The following MAP2 variants were observed in gnomAD, a reference collection of about 807,000 sequenced individuals.
MAP2 encodes the protein microtubule-associated protein 2.
Under a neutral mutation model 137.6 loss-of-function variants are expected in MAP2, and 14 were observed. The ratio of observed to expected loss-of-function variants is 0.10; its 90% CI spans 0.07 to 0.16. MAP2 has a LOEUF of 0.16. Ranked by LOEUF, MAP2 falls within the 10% of genes least tolerant of loss-of-function variation. The probability of loss-of-function intolerance (pLI) is 1.00; values close to 1 mark genes in which losing one functional copy is unlikely to be tolerated. For missense variants in MAP2, 2,088 were observed against 2,191.5 expected, an observed-to-expected ratio of 0.95 and a Z score of 0.94; for synonymous variants, 786 against 782.3, an observed-to-expected ratio of 1.00 and a Z score of -0.08.
chr2:209,694,173 G>C lies in MAP2; in HGVS notation c.2003G>C (p.Gly668Ala). 1 of 1,614,112 alleles carries C rather than the reference G, an allele frequency of 6.2e-7. No homozygotes were observed. ...TTCACTATTGATCCAAAAGTGTATG[G>C]AGAGAAAAGGGACCTCCACAGTAAG... ...RMFTIDPKVY[G>A]EKRDLHSKNK... The change falls in exon 8 of 16, where the codon GGA (glycine) becomes GCA (alanine). Residue 668 changes from glycine to alanine, a missense_variant. Coordinates refer to ENST00000682079, the MANE Select transcript of MAP2 (RefSeq NM_001375505.1).
At chr2:209,520,260 A>G (rs1372224324) in intron 2 of MAP2, among the ~76,000 whole-genome samples, 4 of 152,106 alleles carry the variant, frequency 2.6e-5, no homozygotes, top group South Asian at 2.1e-4. Flanking sequence ...AGGCTTCCCT[A>G]TAAGATATCC....
intron 1 of MAP2, among the ~76,000 whole-genome samples, chr2:209,464,081 T>C (rs184869596): frequency 9.5e-4 from 145 of 152,284 alleles, no homozygotes; most frequent in Middle Eastern, 3.4e-3. Flanking sequence ...TGTATTACTG[T>C]ATTATTTTTC....
chr2:209,674,716 C>T (rs2050494065), intron 5 of MAP2, among the ~76,000 whole-genome samples: 1 of 151,798 alleles, frequency 6.6e-6, no homozygotes. Flanking sequence ...TATAATCACA[C>T]ACATCATAAT....
chr2:209,461,656 G>A (rs1702847329), intron 1 of MAP2, among the ~76,000 whole-genome samples: 1 of 152,044 alleles, frequency 6.6e-6, no homozygotes, highest in Non-Finnish European at 1.5e-5. Flanking sequence ...CTCCATGTTG[G>A]TCAGGCTGGT....
chr2:209,478,048 A>T (rs944937023), intron 1 of MAP2, among the ~76,000 whole-genome samples: 4 of 152,160 alleles, frequency 2.6e-5, no homozygotes, highest in African/African-American at 9.7e-5. Context: ...GATTACTCTT[A>T]TTCTATTGTA....
chr2:209,569,829 A>T (rs544214441), intron 2 of MAP2, among the ~76,000 whole-genome samples: 1 of 151,862 alleles, frequency 6.6e-6, no homozygotes, highest in Non-Finnish European at 1.5e-5. Context: ...TTGTGTTAAG[A>T]TACGTACTTT....
At chr2:209,582,742 C>G (rs971279576) in intron 3 of MAP2, among the ~76,000 whole-genome samples, 1 of 152,040 alleles carries the variant, frequency 6.6e-6, no homozygotes, top group African/African-American at 2.4e-5. Context: ...CAAGAAACTT[C>G]TAGAATCACA....
At chr2:209,427,830 TTGGGTGGGTGGGTAGG>T (rs915483056) in intron 1 of MAP2, among the ~76,000 whole-genome samples, 3 of 150,584 alleles carry the variant, frequency 2.0e-5, no homozygotes, top group Non-Finnish European at 4.4e-5. Flanking sequence ...GTATGAAGGT[TTGGGTGGGTGGGTAGG>T]TGGGTGGGCG....
chr2:209,704,369 T>C lies in MAP2; in HGVS notation c.4585-1211T>C, dbSNP rs2062721822. The C allele has an allele frequency of 4.0e-6, 5 of 1,249,078 alleles. No individual in the cohort carries two copies. The South Asian group carries it at 6.5e-5, about 16-fold the overall frequency. The allele number at this position is 1,249,078 out of a possible 1,614,324, so 77.4% of individuals were successfully genotyped here. Reference sequence around the variant, plus strand: ...TTAAAAAGACTTTGAGTTTCTTATATGTTTATACTTCTTTTTTATCTTCCT... The same window carrying C: ...TTAAAAAGACTTTGAGTTTCTTATACGTTTATACTTCTTTTTTATCTTCCT... On this transcript the variant is annotated intron_variant, in intron 11 of 15. Transcript: ENST00000682079.
At chr2:209,512,870 G>T (rs1359895004) in intron 2 of MAP2, among the ~76,000 whole-genome samples, 1 of 152,026 alleles carries the variant, frequency 6.6e-6, no homozygotes, top group Non-Finnish European at 1.5e-5. Flanking sequence ...GGCTGGTCTT[G>T]ATCTGACATG....
chr2:209,564,863 G>T (rs547086232), intron 2 of MAP2, among the ~76,000 whole-genome samples: 2 of 151,958 alleles, frequency 1.3e-5, no homozygotes, highest in South Asian at 4.2e-4. Flanking sequence ...TGCCCTCATT[G>T]CAATGTGTTG....
intron 1 of MAP2, among the ~76,000 whole-genome samples, chr2:209,431,199 G>A (rs1694180062): frequency 6.6e-6 from 1 of 151,840 alleles, no homozygotes; most frequent in Admixed American, 6.6e-5. Flanking sequence ...GTATTAATAG[G>A]AATGCAAAGT....
Position 209,710,249 on chromosome 2 carries a change from G to T in MAP2, c.5068G>T (p.Gly1690Trp). The change falls in exon 13 of 16, where the codon GGG (glycine) becomes TGG (tryptophan). Residue 1690 changes from glycine to tryptophan, a missense_variant. By Grantham distance (184) the Gly-to-Trp change is radical (BLOSUM62 -2). Around this residue, in one of 6 missense-constraint regions of MAP2, gnomAD observed 112 missense variants for 201.0 expected, o/e 0.56. Coordinates refer to ENST00000682079, the MANE Select transcript of MAP2 (RefSeq NM_001375505.1). ...TDNIKYQPKG[G>W]QVQIVTKKID... ...CAACATCAAATACCAGCCTAAAGGG[G>T]GGCAGGTAAGAATTGCATGAACACA... 6.4e-7 allele frequency: 1 copy of T among 1,567,012 alleles called. No individual in the cohort carries two copies. Among genetic ancestry groups the T allele is most frequent in the South Asian group, 1.2e-5 (1 of 86,482 alleles).
rs193121376 is a variant in MAP2, at chr2:209,693,512, A to G, written c.1342A>G (p.Thr448Ala). The change falls in exon 8 of 16, where the codon ACC (threonine) becomes GCC (alanine). Residue 448 changes from threonine to alanine, a missense_variant. Around this residue, in one of 6 missense-constraint regions of MAP2, gnomAD observed 859 missense variants for 794.5 expected, o/e 1.08. Transcript: ENST00000682079. ...KETELKLEEK[T>A]TISDKEAVPK... ...AACTGAGCTGAAGCTTGAAGAAAAA[A>G]CCACCATTTCTGACAAAGAAGCTGT... The G allele has an allele frequency of 1.7e-4, 272 of 1,610,370 alleles. 2 individuals are homozygous for G. The East Asian group carries it at 5.6e-3, about 33-fold the overall frequency.
chr2:209,710,227 C>T lies in MAP2; in HGVS notation c.5046C>T (p.Asn1682=). The part of the protein sequence containing the change: ...NVKSKIGSTD[N]IKYQPKGGQV... ...AATCCAAAATCGGATCAACAGACAACATCAAATACCAGCCTAAAGGGGGGC... is the reference window on the plus strand; with the variant it reads ...AATCCAAAATCGGATCAACAGACAATATCAAATACCAGCCTAAAGGGGGGC... The change falls in exon 13 of 16, where the codon AAC becomes AAT. Residue 1682 remains asparagine (N), a synonymous_variant. Transcript: ENST00000682079. 1.3e-6 allele frequency: 2 copies of T among 1,588,596 alleles called. No individual in the cohort carries two copies. The highest frequency in any genetic ancestry group is 8.6e-7 in the Non-Finnish European group (1 of 1,166,396).
intron 3 of MAP2, among the ~76,000 whole-genome samples, chr2:209,583,447 A>T (rs1032428683): frequency 2.0e-5 from 3 of 152,094 alleles, no homozygotes; most frequent in African/African-American, 7.2e-5. Flanking sequence ...TAAATAGCAT[A>T]ACTGATGTTA....
intron 1 of MAP2, among the ~76,000 whole-genome samples, chr2:209,457,744 G>A (rs62213447): frequency 3.3e-5 from 5 of 152,270 alleles, no homozygotes; most frequent in South Asian, 4.1e-4. Context: ...CATGAGAAGC[G>A]TTCTAGAGAT....
chr2:209,441,172 CATTCTTTGTAGATTAT>C (rs1420213322), intron 1 of MAP2, among the ~76,000 whole-genome samples: 1 of 151,396 alleles, frequency 6.6e-6, no homozygotes, highest in African/African-American at 2.4e-5. Flanking sequence ...TACAACTTTA[CATTCTTTGTAGATTAT>C]ATTCACCCTT....
At chr2:209,559,849 C>T (rs891884254) in intron 2 of MAP2, among the ~76,000 whole-genome samples, 4 of 151,888 alleles carry the variant, frequency 2.6e-5, no homozygotes, top group African/African-American at 9.7e-5. Flanking sequence ...ACTTCTTGTT[C>T]CTTTTAGTGG....
Sources: allele counts gnomAD v4.1 joint callset (sites outside exome capture counted in the v4.1 genomes callset), GRCh38; gene constraint gnomAD v4.1.1; regional missense constraint gnomAD v4.1.1; transcripts MANE v1.5; gene names NCBI Gene and HGNC (gene_info 2026-07-23, HGNC 2026-07-21).